Variants in DEPTOR observed in about 807,000 individuals in gnomAD.
DEPTOR encodes DEP domain-containing mTOR-interacting protein.
DEPTOR carries 41 observed loss-of-function variants against 41.6 expected under a neutral mutation model. The observed-to-expected ratio is 0.98, with a 90% CI of 0.77 to 1.28. The LOEUF is 1.28. DEPTOR is among the 50% of genes most tolerant of loss of function. The pLI is 0.00. For missense variants in DEPTOR, 514 were observed against 527.9 expected (o/e 0.97, Z 0.26); for synonymous variants, 195 against 192.3 (o/e 1.01, Z -0.12).
At chr8:119,987,198 C>T (rs1828839757) in intron 4 of DEPTOR, among the ~76,000 whole-genome samples, 1 of 152,088 alleles carries the variant, frequency 6.6e-6, no homozygotes, top group African/African-American at 2.4e-5. Context: ...ATGTTGGTGA[C>T]CTTCGGATAG....
At chr8:119,980,498 CTTTTCTT>C in intron 4 of DEPTOR, among the ~76,000 whole-genome samples, 1 of 128,670 alleles carries the variant, frequency 7.8e-6, no homozygotes, top group East Asian at 2.7e-4. Flanking sequence ...CTTTTCTTTT[CTTTTCTT>C]TTCTTTTCTC....
intron 1 of DEPTOR, among the ~76,000 whole-genome samples, chr8:119,879,449 G>T (rs1827270974): frequency 6.6e-6 from 1 of 152,018 alleles, no homozygotes; most frequent in South Asian, 2.1e-4. Flanking sequence ...AGTGGCTCAC[G>T]CCTATTAATC....
chr8:120,049,755 A>T lies in DEPTOR; in HGVS notation c.*51A>T. 5 of 1,608,040 alleles carry T rather than the reference A, an allele frequency of 3.1e-6. No individual in the cohort carries two copies. The highest frequency in any genetic ancestry group is 4.2e-6 in the Non-Finnish European group (5 of 1,176,718). On this transcript the variant is annotated 3_prime_UTR_variant, in exon 9 of 9. Transcript: ENST00000286234. Reference sequence around the variant, plus strand: ...TGGCCTGTGGGTGAGGGAAGCCAGAATGACACAAAGCAATGCAAAGACAAG... The same window carrying T: ...TGGCCTGTGGGTGAGGGAAGCCAGATTGACACAAAGCAATGCAAAGACAAG...
chr8:120,038,915 G>C (rs1438035808), intron 8 of DEPTOR, among the ~76,000 whole-genome samples: 1 of 152,218 alleles, frequency 6.6e-6, no homozygotes, highest in African/African-American at 2.4e-5. Context: ...AATTACACAT[G>C]TAAAGAGTTT....
intron 8 of DEPTOR, among the ~76,000 whole-genome samples, chr8:120,021,074 A>AAAATAAAATAAAATAAAATAAAAT (rs1812702697): frequency 6.8e-6 from 1 of 147,054 alleles, no homozygotes; most frequent in African/African-American, 2.7e-5. Flanking sequence ...AAAATAAAAT[A>AAAATAAAATAAAATAAAATAAAAT]AAATAAAATA....
At chr8:119,900,687 A>T (rs769843863) in intron 1 of DEPTOR, among the ~76,000 whole-genome samples, 8 of 151,924 alleles carry the variant, frequency 5.3e-5, no homozygotes, top group Non-Finnish European at 1.2e-4. Flanking sequence ...GTGCACCTGG[A>T]CCTTACACTT....
At chr8:119,998,975 T>C (rs1340530557) in intron 4 of DEPTOR, among the ~76,000 whole-genome samples, 1 of 143,054 alleles carries the variant, frequency 7.0e-6, no homozygotes, top group South Asian at 2.3e-4. Context: ...GAAGAAGAAA[T>C]AAAATAGGCC....
At chr8:120,015,708 G>A (rs2130121443) in intron 8 of DEPTOR, among the ~76,000 whole-genome samples, 1 of 152,260 alleles carries the variant, frequency 6.6e-6, no homozygotes, top group East Asian at 1.9e-4. Context: ...ACAGAGGGAG[G>A]GGGGCTCCAA....
At chr8:119,884,705 G>A (rs1827342052) in intron 1 of DEPTOR, among the ~76,000 whole-genome samples, 1 of 151,732 alleles carries the variant, frequency 6.6e-6, no homozygotes. Flanking sequence ...AATGAGTGTA[G>A]TAAAGAGGGA....
intron 4 of DEPTOR, among the ~76,000 whole-genome samples, chr8:120,000,347 C>T (rs1302600735): frequency 3.9e-5 from 6 of 152,170 alleles, no homozygotes; most frequent in Admixed American, 3.9e-4. Context: ...CAGTATACTT[C>T]TGTCTCTAGA....
rs1269036861 is a variant in DEPTOR, at chr8:120,050,583, C to G, written c.*879C>G. On this transcript the variant is annotated 3_prime_UTR_variant, in exon 9 of 9. Transcript: ENST00000286234. The stretch of plus-strand genomic sequence containing the variant: ...AAAACTTTGCTGATATGTGATAAAA[C>G]TTGAACTCTAAATTGCCTCCTTAGC... 2 of 152,152 alleles carry G rather than the reference C, an allele frequency of 1.3e-5. No homozygotes were observed. Among genetic ancestry groups the G allele is most frequent in the Non-Finnish European group, 2.9e-5 (2 of 68,032 alleles). 9.4% of individuals were successfully genotyped at this position (152,152 alleles called of 1,614,324 possible).
At chr8:119,994,846 G>A (rs185021677) in intron 4 of DEPTOR, among the ~76,000 whole-genome samples, 2 of 151,562 alleles carry the variant, frequency 1.3e-5, no homozygotes, top group Admixed American at 6.6e-5. Context: ...GAACTCAGCG[G>A]GTGGAGGTTG....
chr8:119,951,042 G>T (rs1248800216), intron 3 of DEPTOR, among the ~76,000 whole-genome samples: 1 of 150,576 alleles, frequency 6.6e-6, no homozygotes, highest in Non-Finnish European at 1.5e-5. Context: ...CACTGACGGG[G>T]TTAGACACTA....
intron 3 of DEPTOR, among the ~76,000 whole-genome samples, chr8:119,942,299 G>A (rs948606921): frequency 4.6e-5 from 7 of 152,198 alleles, no homozygotes; most frequent in Admixed American, 4.6e-4. Flanking sequence ...ACCTCCTGGT[G>A]AGTTCGAGCA....
chr8:120,038,282 AAG>A (rs1242203614), intron 8 of DEPTOR, among the ~76,000 whole-genome samples: 13 of 138,472 alleles, frequency 9.4e-5, no homozygotes, highest in African/African-American at 2.0e-4. Flanking sequence ...AAAAAAAAAA[AAG>A]AAGAAGAAGA....
intron 1 of DEPTOR, among the ~76,000 whole-genome samples, chr8:119,883,502 A>G (rs1296944105): frequency 6.8e-6 from 1 of 147,676 alleles, no homozygotes; most frequent in Admixed American, 6.7e-5. Context: ...AAAAAGAAGG[A>G]TATGCTTTAG....
intron 8 of DEPTOR, among the ~76,000 whole-genome samples, chr8:120,039,194 T>A (rs1447515132): frequency 6.6e-6 from 1 of 152,184 alleles, no homozygotes; most frequent in Non-Finnish European, 1.5e-5. Context: ...TCCTTGCCCC[T>A]TCTACCATGT....
At chr8:119,931,110 G>A (rs1377952676) in intron 3 of DEPTOR, among the ~76,000 whole-genome samples, 1 of 152,082 alleles carries the variant, frequency 6.6e-6, no homozygotes, top group East Asian at 1.9e-4. Flanking sequence ...TACTTGGTAG[G>A]CTGGGTACGA....
chr8:119,875,017 T>G (rs375176040), intron 1 of DEPTOR, among the ~76,000 whole-genome samples: 1 of 151,690 alleles, frequency 6.6e-6, no homozygotes, highest in Non-Finnish European at 1.5e-5. Context: ...CTTGCAAAGG[T>G]CTCTGAAGGA....
Sources: gnomAD v4.1 joint callset for allele counts (sites outside exome capture counted in the v4.1 genomes callset) on GRCh38, gnomAD v4.1.1 for gene constraint, MANE v1.5 for transcripts, NCBI Gene and HGNC (gene_info 2026-07-23, HGNC 2026-07-21) for gene names.